The following MDGA2 variants were observed in gnomAD, a reference collection of about 807,000 sequenced individuals.
MDGA2 encodes the protein MAM domain-containing glycosylphosphatidylinositol anchor protein 2.
MDGA2 carries 40 observed loss-of-function variants against 117.8 expected under a neutral mutation model. The ratio of observed to expected loss-of-function variants is 0.34; its 90% CI spans 0.26 to 0.44. The LOEUF (loss-of-function observed/expected upper bound fraction) is 0.44. Ranked by LOEUF, MDGA2 falls within the 20% of genes least tolerant of loss-of-function variation. MDGA2 has a pLI of 1.00. For missense variants in MDGA2, 1,123 were observed against 1,250.6 expected (o/e 0.90, Z 1.54); for synonymous variants, 452 against 439.0 (o/e 1.03, Z -0.37).
intron 14 of MDGA2, among the ~76,000 whole-genome samples, chr14:46,864,543 CTGTTTTTTT>C (rs1303040811): frequency 1.7e-4 from 3 of 17,192 alleles, no homozygotes; most frequent in African/African-American, 5.7e-4. Flanking sequence ...GCAGATATTG[CTGTTTTTTT>C]TTTTTTTTTT....
At chr14:46,967,913 A>T (rs912141068) in intron 8 of MDGA2, among the ~76,000 whole-genome samples, 3 of 152,218 alleles carry the variant, frequency 2.0e-5, no homozygotes, top group African/African-American at 7.2e-5. Context: ...TCTCTCTTAA[A>T]ATACTATAAT....
intron 13 of MDGA2, 52 bp downstream of exon 13, chr14:46,873,993 A>G: frequency 7.3e-7 from 1 of 1,366,248 alleles, no homozygotes; most frequent in South Asian, 1.5e-5. Context: ...TATTTATAGC[A>G]GTTTTTAAAA....
chr14:47,115,262 G>C (rs1881265525), intron 5 of MDGA2, among the ~76,000 whole-genome samples: 1 of 151,918 alleles, frequency 6.6e-6, no homozygotes, highest in Admixed American at 6.6e-5. Flanking sequence ...TCACAACTCA[G>C]ACAAGTACTG....
intron 1 of MDGA2, among the ~76,000 whole-genome samples, chr14:47,369,255 T>C (rs1471670313): frequency 1.2e-5 from 1 of 84,434 alleles, no homozygotes; most frequent in Non-Finnish European, 2.8e-5. Flanking sequence ...ATCCATATTA[T>C]GATGATATCA....
intron 1 of MDGA2, among the ~76,000 whole-genome samples, chr14:47,625,531 C>T (rs1897125006): frequency 6.6e-6 from 1 of 152,100 alleles, no homozygotes; most frequent in Admixed American, 6.5e-5. Context: ...TTCCAACTAT[C>T]AAAATTGCCC....
chr14:47,236,290 C>CAAAAAAAAA (rs5808383), intron 2 of MDGA2, among the ~76,000 whole-genome samples: 2 of 67,252 alleles, frequency 3.0e-5, no homozygotes, highest in African/African-American at 1.2e-4. Flanking sequence ...GACTCCGCCT[C>CAAAAAAAAA]AAAAAAAAAA....
chr14:47,013,774 A>G (rs753125552), intron 8 of MDGA2, among the ~76,000 whole-genome samples: 18 of 121,082 alleles, frequency 1.5e-4, no homozygotes, highest in Admixed American at 4.1e-4. Flanking sequence ...ATTTCCTTGT[A>G]TATATATATA....
intron 1 of MDGA2, among the ~76,000 whole-genome samples, chr14:47,531,851 T>G (rs2138734284): frequency 6.6e-6 from 1 of 152,332 alleles, no homozygotes; most frequent in African/African-American, 2.4e-5. Context: ...TTCTATTTGG[T>G]TCAGAGAATT....
chr14:47,536,084 C>G (rs1895204580), intron 1 of MDGA2, among the ~76,000 whole-genome samples: 1 of 152,154 alleles, frequency 6.6e-6, no homozygotes, highest in Non-Finnish European at 1.5e-5. Flanking sequence ...TCTCATTGAT[C>G]CAACCAAGTA....
At chr14:47,548,803 C>A (rs1308986011) in intron 1 of MDGA2, among the ~76,000 whole-genome samples, 1 of 152,020 alleles carries the variant, frequency 6.6e-6, no homozygotes, top group Non-Finnish European at 1.5e-5. Context: ...AGAAGTATGG[C>A]GGACATTATC....
chr14:46,977,162 T>C (rs1257231849), intron 8 of MDGA2, among the ~76,000 whole-genome samples: 1 of 151,808 alleles, frequency 6.6e-6, no homozygotes, highest in African/African-American at 2.4e-5. Flanking sequence ...ATATGTATCA[T>C]CAAGCTCCAA....
At chr14:47,340,239 G>A (rs1890580857) in intron 1 of MDGA2, among the ~76,000 whole-genome samples, 1 of 151,966 alleles carries the variant, frequency 6.6e-6, no homozygotes, top group Non-Finnish European at 1.5e-5. Flanking sequence ...TACTCAATTG[G>A]AATGATTCTG....
At chr14:47,168,348 T>C (rs1386775032) in intron 3 of MDGA2, among the ~76,000 whole-genome samples, 2 of 151,892 alleles carry the variant, frequency 1.3e-5, no homozygotes, top group African/African-American at 4.8e-5. Flanking sequence ...TTAATTTTGT[T>C]TTCAATAACA....
In MDGA2 at chr14:47,674,714, C is replaced by T. The variant is rs1388774500; in HGVS notation, c.83G>A (p.Arg28Gln). The T allele has an allele frequency of 1.1e-6, 1 of 909,798 alleles. No homozygotes were observed. Among genetic ancestry groups the T allele is most frequent in the Non-Finnish European group, 1.8e-6 (1 of 564,044 alleles). The allele number at this position is 909,798 out of a possible 1,614,324, so 56.4% of individuals were successfully genotyped here. Residue 28 changes from arginine to glutamine, a missense_variant, in exon 1 of 17, where the codon CGG (arginine) becomes CAG (glutamine). By Grantham distance (43) the Arg-to-Gln change is conservative. Transcript: ENST00000399232. ...GCCGAGGTGCCCGGGAACCGCTCGC[C>T]GAAGGAGGAAGCGCCGTCCGTCTGT... is the stretch of plus-strand genomic sequence containing the variant. ...GRTDGRRFLL[R>Q]RAVPGHLGLA... is the part of the protein sequence containing the mutation.
chr14:47,321,624 T>A (rs1053154852), intron 1 of MDGA2, among the ~76,000 whole-genome samples: 1 of 152,106 alleles, frequency 6.6e-6, no homozygotes, highest in Non-Finnish European at 1.5e-5. Flanking sequence ...GACTACCCTG[T>A]GATACTCAAC....
chr14:47,336,732 CCAT>C (rs1160048836), intron 1 of MDGA2, among the ~76,000 whole-genome samples: 4 of 152,012 alleles, frequency 2.6e-5, no homozygotes, highest in Non-Finnish European at 5.9e-5. Flanking sequence ...CTCAAGATCT[CCAT>C]CATATCACAT....
intron 8 of MDGA2, among the ~76,000 whole-genome samples, chr14:47,024,139 T>C (rs1888388436): frequency 1.3e-5 from 2 of 152,182 alleles, no homozygotes; most frequent in Admixed American, 6.5e-5. Context: ...ATCACTGCAT[T>C]CATACATAGC....
intron 1 of MDGA2, among the ~76,000 whole-genome samples, chr14:47,354,070 T>C (rs1890940974): frequency 6.6e-6 from 1 of 152,118 alleles, no homozygotes; most frequent in African/African-American, 2.4e-5. Flanking sequence ...ATCATCTCAA[T>C]AGATATAGAA....
intron 2 of MDGA2, among the ~76,000 whole-genome samples, chr14:47,286,983 T>C (rs1259478980): frequency 1.3e-5 from 2 of 151,822 alleles, no homozygotes; most frequent in African/African-American, 2.4e-5. Flanking sequence ...ATCATTATTA[T>C]CCAGAGTTTT....
Sources: gnomAD v4.1 joint callset for allele counts (sites outside exome capture counted in the v4.1 genomes callset) on GRCh38, gnomAD v4.1.1 for gene constraint, MANE v1.5 for transcripts, NCBI Gene and HGNC (gene_info 2026-07-23, HGNC 2026-07-21) for gene names.